Variants in WDR76 observed in about 807,000 individuals in gnomAD.
The protein encoded by WDR76 is WD repeat domain 76, also known as WD repeat-containing protein 76.
WDR76 carries 52 observed loss-of-function variants against 70.2 expected under a neutral mutation model. The ratio of observed to expected loss-of-function variants is 0.74; its 90% CI spans 0.59 to 0.93. The LOEUF is 0.93. WDR76 is among the 40% of genes least tolerant of loss of function. The pLI is 0.00. For missense variants in WDR76, 756 were observed against 760.2 expected (o/e 0.99, Z 0.07); for synonymous variants, 292 against 271.1 (o/e 1.08, Z -0.76).
rs1208484499 is a variant in WDR76, at chr15:43,867,082, G to C, written c.*690G>C. The C allele has an allele frequency of 6.6e-6, 1 of 152,120 alleles. No homozygotes were observed. The allele number at this position is 152,120 out of a possible 1,614,324, so 9.4% of individuals were successfully genotyped here. A position where few individuals can be genotyped will look rare whatever the true frequency, so the allele number is the denominator to read the frequency against. On this transcript the variant is annotated 3_prime_UTR_variant, in exon 13 of 13. Transcript: ENST00000263795. Reference sequence around the variant, plus strand: ...AGTTTATAATGAATACTTATTTCTAGACTCATACACTGGAAGGGGACCCGG... The same window carrying C: ...AGTTTATAATGAATACTTATTTCTACACTCATACACTGGAAGGGGACCCGG...
At position 43,850,267 on chromosome 15, in the gene WDR76, T is replaced by TTTTTATTTTA. The variant is rs71421806; in HGVS notation, c.1033-785_1033-776dup. On this transcript the variant is annotated intron_variant, in intron 8 of 12. Coordinates refer to ENST00000263795, the MANE Select transcript of WDR76 (RefSeq NM_024908.4). ...ATACATGCATTTTTATGGTGTTATT[T>TTTTTATTTTA]TTTTATTTTATTTTATTTTATTTTA... 7.5e-3 allele frequency among the ~76,000 whole-genome samples: 1,115 copies of TTTTTATTTTA among 148,392 alleles called. 13 individuals carry two copies. The highest frequency in any genetic ancestry group is 0.023 in the African/African-American group (927 of 40,200).
chr15:43,841,220 T>C (rs1252052160), intron 5 of WDR76, among the ~76,000 whole-genome samples: 11 of 139,788 alleles, frequency 7.9e-5, no homozygotes, highest in Non-Finnish European at 1.2e-4. Flanking sequence ...TTTTTTTTTT[T>C]GAGACGGAGT....
intron 3 of WDR76, among the ~76,000 whole-genome samples, 153 bp downstream of exon 3, chr15:43,835,303 C>G (rs1251066380): frequency 2.5e-4 from 34 of 134,836 alleles, no homozygotes; most frequent in Non-Finnish European, 5.2e-4. Flanking sequence ...CCGCCCCCCG[C>G]CCCCCGCCCC....
chr15:43,864,581 T>A (rs1237283387), intron 12 of WDR76, among the ~76,000 whole-genome samples: 1 of 152,126 alleles, frequency 6.6e-6, no homozygotes, highest in African/African-American at 2.4e-5. Context: ...CTTTTGCCCA[T>A]TTTTTAATTA....
At chr15:43,858,589 G>C in intron 10 of WDR76, 82 bp from the exon 11 acceptor site, 1 of 1,519,368 alleles carries the variant, frequency 6.6e-7, no homozygotes, top group Non-Finnish European at 8.9e-7. Flanking sequence ...AAGTATGTGA[G>C]TGTCTAACTT....
chr15:43,837,811 C>A (rs1424783788), intron 4 of WDR76, among the ~76,000 whole-genome samples: 1 of 151,680 alleles, frequency 6.6e-6, no homozygotes, highest in East Asian at 1.9e-4. Flanking sequence ...CCCATATATA[C>A]CCCTCCCTCC....
intron 1 of WDR76, among the ~76,000 whole-genome samples, chr15:43,827,515 A>G (rs1193952166): frequency 6.6e-6 from 1 of 152,128 alleles, no homozygotes; most frequent in Non-Finnish European, 1.5e-5. Context: ...TGGAGGGGAA[A>G]ATAAGTTTTC....
chr15:43,848,371 G>T (rs894703811), intron 8 of WDR76, among the ~76,000 whole-genome samples: 1 of 152,212 alleles, frequency 6.6e-6, no homozygotes, highest in East Asian at 1.9e-4. Flanking sequence ...TTTAGCTTCT[G>T]CCCTGCCCCG....
intron 11 of WDR76, among the ~76,000 whole-genome samples, chr15:43,860,565 A>T (rs1205450997): frequency 6.6e-6 from 1 of 151,906 alleles, no homozygotes; most frequent in Non-Finnish European, 1.5e-5. Flanking sequence ...GCTCACTACA[A>T]CCCTGACGTG....
chr15:43,831,390 C>T (rs1015193405), intron 2 of WDR76, among the ~76,000 whole-genome samples: 1 of 151,916 alleles, frequency 6.6e-6, no homozygotes, highest in South Asian at 2.1e-4. Context: ...CTGCCCACCT[C>T]GGCCTCCCAA....
At chr15:43,837,042 CAA>C (rs541159343) in intron 4 of WDR76, among the ~76,000 whole-genome samples, 20 of 58,310 alleles carry the variant, frequency 3.4e-4, no homozygotes, top group African/African-American at 8.3e-4. Flanking sequence ...CTCCATCTCA[CAA>C]AAAAAAAAAA....
intron 8 of WDR76, among the ~76,000 whole-genome samples, chr15:43,846,521 C>G (rs2087790409): frequency 6.7e-6 from 1 of 148,934 alleles, no homozygotes; most frequent in African/African-American, 2.4e-5. Context: ...TGAGCTCAAG[C>G]ACTCCACCTG....
At position 43,851,197 on chromosome 15, in the gene WDR76, T is replaced by C. The variant is rs757375108; in HGVS notation, c.1143T>C (p.Tyr381=). The C allele has an allele frequency of 5.5e-5, 89 of 1,614,078 alleles. No homozygotes were observed. The highest frequency in any genetic ancestry group is 1.6e-4 in the Middle Eastern group (1 of 6,084). ...ANPAHILSLS[Y]DGTLRCGDFS... ...CGGCCCACATACTGTCACTGAGCTA[T>C]GATGGCACGTTACGCTGTGGGGATT... is the stretch of plus-strand genomic sequence containing the variant. Residue 381 remains tyrosine (Y), a synonymous_variant, in exon 9 of 13, where the codon TAT becomes TAC. Transcript: ENST00000263795.
At chr15:43,850,960 C>T in intron 8 of WDR76, 127 bp from the exon 9 acceptor site, 1 of 1,234,896 alleles carries the variant, frequency 8.1e-7, no homozygotes, top group Non-Finnish European at 1.1e-6. Flanking sequence ...AGAGTGGTTA[C>T]AATTATAGAC....
chr15:43,857,287 G>T (rs1398683717), intron 10 of WDR76, 124 bp downstream of exon 10: 7 of 1,107,278 alleles, frequency 6.3e-6, no homozygotes, highest in African/African-American at 1.6e-5. Flanking sequence ...ATACCCAAAG[G>T]CCAAGTAATT....
chr15:43,863,794 G>T (rs1310440324), intron 12 of WDR76: 1 of 152,250 alleles, frequency 6.6e-6, no homozygotes, highest in African/African-American at 2.4e-5. Context: ...CCTGGCCTCA[G>T]CCGATCCTCC....
chr15:43,857,820 CAAA>C (rs972013972), intron 10 of WDR76, among the ~76,000 whole-genome samples: 5 of 57,942 alleles, frequency 8.6e-5, no homozygotes, highest in South Asian at 1.7e-3. Context: ...CTCTTGTCTC[CAAA>C]AAAAAAAAAA....
At chr15:43,851,379 C>T in intron 9 of WDR76, 134 bp downstream of exon 9, 1 of 1,216,716 alleles carries the variant, frequency 8.2e-7, no homozygotes, top group Non-Finnish European at 1.1e-6. Flanking sequence ...TGCCTAAGTT[C>T]AAATCCCAGA....
chr15:43,833,263 C>T (rs994420224), intron 2 of WDR76, among the ~76,000 whole-genome samples: 1 of 151,894 alleles, frequency 6.6e-6, no homozygotes, highest in Admixed American at 6.6e-5. Context: ...CTTCTGGGCT[C>T]CAGTGATCCT....
Sources: allele counts gnomAD v4.1 joint callset (sites outside exome capture counted in the v4.1 genomes callset), GRCh38; gene constraint gnomAD v4.1.1; transcripts MANE v1.5; gene names NCBI Gene and HGNC (gene_info 2026-07-23, HGNC 2026-07-21).